TARS1: variants seen among roughly 807,000 people sequenced by gnomAD.
The protein encoded by TARS1 is threonyl-tRNA synthetase 1, also known as threonine--tRNA ligase 1, cytoplasmic.
Under a neutral mutation model 97.7 loss-of-function variants are expected in TARS1, and 57 were observed. The observed-to-expected ratio is 0.58, with a 90% CI of 0.47 to 0.73. The LOEUF is 0.73. Ranked by LOEUF, TARS1 falls within the 30% of genes least tolerant of loss-of-function variation. The pLI is 0.00. For missense variants in TARS1, 806 were observed against 888.3 expected (o/e 0.91, Z 1.18); for synonymous variants, 312 against 293.7 (o/e 1.06, Z -0.64).
intron 4 of TARS1, among the ~76,000 whole-genome samples, chr5:33,453,974 C>T (rs1477668148): frequency 2.6e-5 from 4 of 152,114 alleles, no homozygotes; most frequent in African/African-American, 9.7e-5. Flanking sequence ...CCCACCTCGG[C>T]CCCCCAAAGT....
chr5:33,454,938 T>C lies in TARS1; in HGVS notation c.454-7T>C. 3 of 1,612,416 alleles carry C rather than the reference T, an allele frequency of 1.9e-6. No individual in the cohort carries two copies. The South Asian group carries it at 3.3e-5, about 18-fold the overall frequency. Reference sequence around the variant, plus strand: ...TCAGACCATGCCATTTTTCTTTAAATTTTCAGGTGTATTGGCACTCTAGTG... The same window carrying C: ...TCAGACCATGCCATTTTTCTTTAAACTTTCAGGTGTATTGGCACTCTAGTG... On this transcript the variant is annotated splice_polypyrimidine_tract_variant and splice_region_variant and intron_variant, in intron 4 of 18. Transcript: ENST00000265112.
chr5:33,462,385 G>C (rs1052800340), intron 16 of TARS1, among the ~76,000 whole-genome samples, 182 bp downstream of exon 16: 1 of 152,164 alleles, frequency 6.6e-6, no homozygotes, highest in African/African-American at 2.4e-5. Flanking sequence ...TTAGCATTAA[G>C]AACAATTGCT....
chr5:33,442,576 C>G (rs1367342336), intron 1 of TARS1, among the ~76,000 whole-genome samples: 1 of 152,140 alleles, frequency 6.6e-6, no homozygotes, highest in African/African-American at 2.4e-5. Context: ...CGCTCTGTCA[C>G]TCAGGCTGGA....
intron 3 of TARS1, among the ~76,000 whole-genome samples, chr5:33,450,840 C>T (rs372672625): frequency 3.9e-5 from 6 of 152,194 alleles, no homozygotes; most frequent in East Asian, 1.9e-4. Flanking sequence ...CATAGCTGGG[C>T]GTGTTGGCTC....
At chr5:33,448,413 T>C in intron 2 of TARS1, 128 bp from the exon 3 acceptor site, 1 of 725,720 alleles carries the variant, frequency 1.4e-6, no homozygotes. Context: ...ATTTTGGCAG[T>C]GTTTATTTAC....
intron 8 of TARS1, among the ~76,000 whole-genome samples, chr5:33,456,993 CT>C (rs1464201894): frequency 6.6e-6 from 1 of 152,140 alleles, no homozygotes; most frequent in Non-Finnish European, 1.5e-5. Context: ...AGAATGGGGT[CT>C]CCCTGTGTTT....
Position 33,457,397 on chromosome 5 carries a change from TG to T in TARS1, c.980del (p.Gly327AlafsTer46). 1 of 1,614,010 alleles carries T rather than the reference TG, an allele frequency of 6.2e-7. No individual in the cohort carries two copies. Among genetic ancestry groups the T allele is most frequent in the Non-Finnish European group, 8.5e-7 (1 of 1,179,934 alleles). On this transcript the variant is annotated frameshift_variant, in exon 9 of 19. Coordinates refer to ENST00000265112, the MANE Select transcript of TARS1 (RefSeq NM_152295.5). LOFTEE classifies it high-confidence loss of function. ...EAKNRDHRKIGRDQELYFFHE... is the reference protein window; with the variant it reads ...EAKNRDHRKIXRDQELYFFHE... ...CTAAAAACCGAGATCATAGGAAAAT[TG>T]GCAGGGTATGTTCAAGAACAATGAT...
rs1358134514 is a variant in TARS1 at position 33,462,082 on chromosome 5, T to C, written c.1731-17T>C. On this transcript the variant is annotated splice_polypyrimidine_tract_variant and intron_variant, in intron 15 of 18. Transcript: ENST00000265112. The stretch of plus-strand genomic sequence containing the variant: ...AATATATATAATAAGACAAAACAAT[T>C]TTTTTTTTCTTTATAGCCATGATGG... 1 of 1,605,966 alleles carries C rather than the reference T, an allele frequency of 6.2e-7. No individual in the cohort carries two copies. The highest frequency in any genetic ancestry group is 2.2e-5 in the East Asian group (1 of 44,782).
intron 5 of TARS1, 96 bp from the exon 6 acceptor site, chr5:33,455,491 C>G (rs556780221): frequency 2.7e-6 from 2 of 745,102 alleles, no homozygotes; most frequent in Non-Finnish European, 4.4e-6. Context: ...TATTAAAACC[C>G]TTGAAGTATT....
intron 2 of TARS1, 46 bp from the exon 3 acceptor site, chr5:33,448,495 A>G (rs773796616): frequency 2.1e-6 from 3 of 1,422,878 alleles, no homozygotes; most frequent in Middle Eastern, 2.4e-4. Context: ...ATAGGAAAGC[A>G]ATATTTACTG....
intron 17 of TARS1, 106 bp from the exon 18 acceptor site, chr5:33,466,765 G>T: frequency 1.5e-6 from 1 of 649,126 alleles, no homozygotes; most frequent in Non-Finnish European, 2.4e-6. Flanking sequence ...TAAATTCCTG[G>T]AAGTTCATCC....
chr5:33,466,866 A>G lies in TARS1; in HGVS notation c.1909-5A>G. The G allele has an allele frequency of 6.3e-7, 1 of 1,584,706 alleles. No individual in the cohort carries two copies. Among genetic ancestry groups the G allele is most frequent in the South Asian group, 1.1e-5 (1 of 87,204 alleles). On this transcript the variant is annotated splice_region_variant and splice_polypyrimidine_tract_variant and intron_variant, in intron 17 of 18. Coordinates refer to ENST00000265112, the MANE Select transcript of TARS1 (RefSeq NM_152295.5). ...CTGACAAATTCTGTATCTCTGTTAC[A>G]ATAGGTACGACAACAATTCCACGAT...
At chr5:33,446,126 G>C (rs73074376) in intron 2 of TARS1, 23,127 of 157,446 alleles carry the variant, frequency 0.15, 1,781 homozygotes, top group South Asian at 0.25. Context: ...AAGCACAAAG[G>C]AACAGCCTTT....
chr5:33,444,387 A>G (rs951775084), intron 1 of TARS1, among the ~76,000 whole-genome samples: 1 of 152,374 alleles, frequency 6.6e-6, no homozygotes, highest in Admixed American at 6.5e-5. Flanking sequence ...TGTACTTTAC[A>G]TGGGTAACTT....
chr5:33,452,451 A>G, intron 3 of TARS1: 1 of 1,531,246 alleles, frequency 6.5e-7, no homozygotes, highest in Non-Finnish European at 8.7e-7. Flanking sequence ...TGAGTGCTTT[A>G]TCCTCAAAGC....
chr5:33,463,432 C>A (rs1191398832), intron 16 of TARS1, among the ~76,000 whole-genome samples: 7 of 152,336 alleles, frequency 4.6e-5, no homozygotes, highest in African/African-American at 1.7e-4. Flanking sequence ...GTTACCTCCT[C>A]TCACAGCCAA....
chr5:33,466,837 A>T, intron 17 of TARS1, 34 bp from the exon 18 acceptor site: 1 of 1,459,790 alleles, frequency 6.9e-7, no homozygotes, highest in Non-Finnish European at 9.5e-7. Context: ...TTCTGATTTT[A>T]GATCTGACAA....
intron 4 of TARS1, among the ~76,000 whole-genome samples, chr5:33,453,625 T>C (rs1377249492): frequency 6.6e-6 from 1 of 152,172 alleles, no homozygotes; most frequent in Non-Finnish European, 1.5e-5. Flanking sequence ...TTTTCATTAC[T>C]AGACACTTCA....
At chr5:33,465,456 C>T (rs1167560059) in intron 17 of TARS1, among the ~76,000 whole-genome samples, 2 of 152,200 alleles carry the variant, frequency 1.3e-5, no homozygotes, top group African/African-American at 4.8e-5. Context: ...TATCAGGCCA[C>T]TTCCCCAACT....
Sources: allele counts gnomAD v4.1 joint callset (sites outside exome capture counted in the v4.1 genomes callset), GRCh38; gene constraint gnomAD v4.1.1; transcripts MANE v1.5; gene names NCBI Gene and HGNC (gene_info 2026-07-23, HGNC 2026-07-21).